Variants in DNAAF4 observed in about 807,000 individuals in gnomAD.
DNAAF4 encodes the protein dynein axonemal assembly factor 4, also known as dynein assembly factor 4, axonemal.
In DNAAF4, 43 loss-of-function variants were observed where a neutral mutation model predicts 51.8. The ratio of observed to expected loss-of-function variants is 0.83; its 90% CI spans 0.65 to 1.07. The LOEUF (loss-of-function observed/expected upper bound fraction) is 1.07. Ranked by LOEUF, DNAAF4 falls within the 50% of genes least tolerant of loss-of-function variation. The pLI is 0.00. For synonymous variants in DNAAF4, 194 were observed against 165.6 expected, an observed-to-expected ratio of 1.17 and a Z score of -1.32; for missense variants, 581 against 493.0, an observed-to-expected ratio of 1.18 and a Z score of -1.69.
intron 1 of DNAAF4, among the ~76,000 whole-genome samples, chr15:55,505,584 C>T (rs2058722973): frequency 6.6e-6 from 1 of 152,062 alleles, no homozygotes; most frequent in African/African-American, 2.4e-5. Context: ...TACTATGCAG[C>T]CATAAAAAAG....
At chr15:55,477,321 G>C (rs2058348983) in intron 4 of DNAAF4, among the ~76,000 whole-genome samples, 1 of 151,966 alleles carries the variant, frequency 6.6e-6, no homozygotes, top group South Asian at 2.1e-4. Context: ...TTTTTAAAAA[G>C]ACAATATATA....
intron 7 of DNAAF4, among the ~76,000 whole-genome samples, chr15:55,437,989 C>T (rs1168088025): frequency 1.3e-5 from 2 of 152,144 alleles, no homozygotes; most frequent in African/African-American, 4.8e-5. Flanking sequence ...TGATGAAATA[C>T]AATAAATAAT....
At chr15:55,489,153 G>C (rs550012663) in intron 4 of DNAAF4, among the ~76,000 whole-genome samples, 1 of 151,488 alleles carries the variant, frequency 6.6e-6, no homozygotes, top group Non-Finnish European at 1.5e-5. Context: ...CTGGTCAACT[G>C]TTCTGTTTTG....
At chr15:55,449,909 G>C (rs572480718) in intron 6 of DNAAF4, among the ~76,000 whole-genome samples, 1 of 151,810 alleles carries the variant, frequency 6.6e-6, no homozygotes, top group South Asian at 2.1e-4. Flanking sequence ...ATGTTAGTCA[G>C]GTTGGTCTTG....
chr15:55,423,486 G>A (rs927327609), intron 7 of DNAAF4, among the ~76,000 whole-genome samples: 2 of 152,036 alleles, frequency 1.3e-5, no homozygotes, highest in Non-Finnish European at 2.9e-5. Context: ...GGGATTATAG[G>A]CATAACCCAC....
intron 6 of DNAAF4, among the ~76,000 whole-genome samples, chr15:55,444,721 T>C (rs1427958879): frequency 2.6e-5 from 4 of 152,232 alleles, no homozygotes; most frequent in Admixed American, 2.6e-4. Flanking sequence ...TTTTATTTTG[T>C]TGAGCAGTGG....
rs371052810 is a variant in DNAAF4 at position 55,491,183 on chromosome 15, T to C, written c.345A>G (p.Thr115=). ...CCCGCTTTGCTGCAGCTTTTGCTTC[T>C]GTAGCTTCTTTTGCTCTCTCTTGTG... ...LQAQERAKEA[T]EAKAAAKRED... is the part of the protein sequence containing the mutation. Residue 115 remains threonine (T), a synonymous_variant, in exon 4 of 10, where the codon ACA becomes ACG. Transcript: ENST00000321149. 1.1e-5 allele frequency: 17 copies of C among 1,614,024 alleles called. No homozygotes were observed. The African/African-American group carries it at 1.3e-4, about 13-fold the overall frequency.
chr15:55,499,191 C>T (rs1426310102), intron 1 of DNAAF4, among the ~76,000 whole-genome samples: 1 of 152,120 alleles, frequency 6.6e-6, no homozygotes, highest in Non-Finnish European at 1.5e-5. Context: ...ACATCCAGAG[C>T]GGCTAACTGG....
chr15:55,498,458 T>C lies in DNAAF4; in HGVS notation c.-129A>G, dbSNP rs116763274. On this transcript the variant is annotated 5_prime_UTR_variant, in exon 2 of 10. Coordinates refer to ENST00000321149, the MANE Select transcript of DNAAF4 (RefSeq NM_130810.4). ...GGCCGGGAGCCCGGCGTTCCCAGCG[T>C]GCTCCGGCGCCAGCACCTCGCGGAC... 1 of 1,408,372 alleles carries C rather than the reference T, an allele frequency of 7.1e-7. No individual in the cohort carries two copies. The highest frequency in any genetic ancestry group is 9.4e-7 in the Non-Finnish European group (1 of 1,066,040). The allele number at this position is 1,408,372 out of a possible 1,614,324, so 87.2% of individuals were successfully genotyped here. A position where few individuals can be genotyped will look rare whatever the true frequency, so the allele number is the denominator to read the frequency against.
At chr15:55,462,225 T>C (rs1047532292) in intron 5 of DNAAF4, among the ~76,000 whole-genome samples, 2 of 152,072 alleles carry the variant, frequency 1.3e-5, no homozygotes, top group Non-Finnish European at 2.9e-5. Context: ...AGGGTCTTGT[T>C]CTCTTGCCCC....
chr15:55,485,878 G>A (rs117006722), intron 4 of DNAAF4, among the ~76,000 whole-genome samples: 20,744 of 150,826 alleles, frequency 0.14, 1,982 homozygotes, highest in African/African-American at 0.28. Context: ...ACCTGTAGTC[G>A]CAGCTACTCG....
intron 4 of DNAAF4, among the ~76,000 whole-genome samples, chr15:55,477,673 T>C (rs201658521): frequency 1.2e-4 from 17 of 141,914 alleles, no homozygotes; most frequent in South Asian, 2.3e-4. Context: ...TATATATATA[T>C]ACATATATAC....
intron 4 of DNAAF4, among the ~76,000 whole-genome samples, chr15:55,487,293 G>C (rs2058504354): frequency 6.6e-6 from 1 of 152,050 alleles, no homozygotes. Flanking sequence ...TCTAGCTAAA[G>C]GATTGTAAAC....
chr15:55,474,512 C>T (rs1466472434), intron 4 of DNAAF4, among the ~76,000 whole-genome samples: 2 of 150,046 alleles, frequency 1.3e-5, no homozygotes, highest in Admixed American at 6.6e-5. Flanking sequence ...CCAGCCTGGG[C>T]GACAGCGTGA....
At chr15:55,500,711 G>A (rs2058692336) in intron 1 of DNAAF4, among the ~76,000 whole-genome samples, 1 of 152,094 alleles carries the variant, frequency 6.6e-6, no homozygotes, top group South Asian at 2.1e-4. Context: ...TTGTCAAGTT[G>A]GCCGGGCGTG....
Position 55,467,037 on chromosome 15 carries a change from C to A in DNAAF4, c.530G>T (p.Arg177Ile). The change falls in exon 5 of 10, where the codon AGA (arginine) becomes ATA (isoleucine). Residue 177 changes from arginine (R) to isoleucine (I), a missense_variant. By Grantham distance (97) the Arg-to-Ile change is moderately conservative. Coordinates refer to ENST00000321149, the MANE Select transcript of DNAAF4 (RefSeq NM_130810.4). ...TTCTTTTTGACATAATTTCTCTTCT[C>A]TCTGAATTTTTTTTTGCTCCTCAGC... ...RKAEEQKKIQ[R>I]EEKLCQKEKQ... The A allele has an allele frequency of 6.4e-7, 1 of 1,563,780 alleles. No homozygotes were observed. Among genetic ancestry groups the A allele is most frequent in the Admixed American group, 1.9e-5 (1 of 51,988 alleles).
intron 5 of DNAAF4, among the ~76,000 whole-genome samples, chr15:55,462,006 T>G (rs750366535): frequency 2.0e-5 from 3 of 152,184 alleles, no homozygotes; most frequent in Non-Finnish European, 4.4e-5. Context: ...TGAATACCTT[T>G]GTGCACACAA....
intron 6 of DNAAF4, among the ~76,000 whole-genome samples, chr15:55,441,189 A>G (rs1461039324): frequency 5.9e-5 from 9 of 151,604 alleles, no homozygotes. Context: ...CTCCTGCCTC[A>G]GCCTCCTGAA....
intron 1 of DNAAF4, among the ~76,000 whole-genome samples, chr15:55,504,140 G>T (rs796336616): frequency 6.6e-6 from 1 of 151,894 alleles, no homozygotes; most frequent in African/African-American, 2.4e-5. Flanking sequence ...AACAGACAGA[G>T]AACCAAATCA....
Sources: allele counts gnomAD v4.1 joint callset (sites outside exome capture counted in the v4.1 genomes callset), GRCh38; gene constraint gnomAD v4.1.1; transcripts MANE v1.5; gene names NCBI Gene and HGNC (gene_info 2026-07-23, HGNC 2026-07-21).